Variants in KIF1B observed in about 807,000 individuals in gnomAD.
KIF1B encodes the protein kinesin-like protein KIF1B.
Under a neutral mutation model 241.9 loss-of-function variants are expected in KIF1B, and 76 were observed. The observed-to-expected ratio is 0.31, with a 90% CI of 0.26 to 0.38. KIF1B has a LOEUF of 0.38. KIF1B is among the 10% of genes least tolerant of loss of function. The pLI, the probability that KIF1B is intolerant of heterozygous loss-of-function variation, is 1.00. For synonymous variants in KIF1B, 750 were observed against 796.7 expected (o/e 0.94, Z 0.99); for missense variants, 1,622 against 2,271.4 (o/e 0.71, Z 5.81).
At chr1:10,277,408 C>T (rs541863170) in intron 12 of KIF1B, among the ~76,000 whole-genome samples, 65 of 152,234 alleles carry the variant, frequency 4.3e-4, no homozygotes, top group Non-Finnish European at 6.3e-4. Flanking sequence ...GATTGTAGCT[C>T]GCTGCAGCCT....
chr1:10,351,095 C>T lies in KIF1B; in HGVS notation c.3950-1536C>T, dbSNP rs1000954802. Among the ~76,000 whole-genome samples, 5 of 143,732 alleles carry T rather than the reference C, an allele frequency of 3.5e-5. No individual in the cohort carries two copies. In the East Asian group the frequency reaches 6.0e-4, roughly 17 times the overall value. The allele number at this position is 143,732 out of a possible 152,430, so 94.3% of individuals were successfully genotyped here. A position where few individuals can be genotyped will look rare whatever the true frequency, so the allele number is the denominator to read the frequency against. ...TGTCAAAAAAAAAAAAAAAAAGAAT[C>T]GTTGGAAGGGAGATTATGTTCTCTC... On this transcript the variant is annotated intron_variant, in intron 37 of 48. Transcript: ENST00000676179.
At chr1:10,311,440 T>C (rs1394068225) in intron 22 of KIF1B, among the ~76,000 whole-genome samples, 1 of 151,288 alleles carries the variant, frequency 6.6e-6, no homozygotes, top group Non-Finnish European at 1.5e-5. Flanking sequence ...CTTGAACTCC[T>C]GACCTCAGGT....
intron 7 of KIF1B, among the ~76,000 whole-genome samples, chr1:10,269,982 A>G (rs1648698311): frequency 6.6e-6 from 1 of 152,168 alleles, no homozygotes; most frequent in Admixed American, 6.6e-5. Context: ...AATCTACAAA[A>G]TTAATGTTAA....
rs746847971 is a variant in KIF1B, at chr1:10,304,370, C to T, written c.2115+7124C>T. The stretch of plus-strand genomic sequence containing the variant: ...CTCAATAATGGCCAGCCGAAAAGTA[C>T]GCGCTGCCAGGCATCTGCCTCCGCG... On this transcript the variant is annotated intron_variant, in intron 22 of 48. Coordinates refer to ENST00000676179, the MANE Select transcript of KIF1B (RefSeq NM_001365951.3). 6 of 1,614,218 alleles carry T rather than the reference C, an allele frequency of 3.7e-6. No homozygotes were observed. In the East Asian group the frequency reaches 6.7e-5, roughly 18 times the overall value.
chr1:10,337,103 T>C lies in KIF1B; in HGVS notation c.3159T>C (p.Arg1053=). The part of the protein sequence containing the change: ...QSDFSSVAMT[R]SGLSLEELRI... ...ACTTTTCGTCTGTTGCAATGACTCG[T>C]TCTGGTCTGTCCTTGGAGGAGTTGA... Residue 1053 remains arginine, a synonymous_variant, in exon 30 of 49, where the codon CGT becomes CGC. Transcript: ENST00000676179. This position sits in a 1 kb window ranked among gnomAD's most constrained non-coding sequence, Gnocchi z 4.0. The C allele has an allele frequency of 6.2e-7, 1 of 1,614,198 alleles. No homozygotes were observed. Among genetic ancestry groups the C allele is most frequent in the Non-Finnish European group, 8.5e-7 (1 of 1,180,038 alleles).
intron 16 of KIF1B, 36 bp from the exon 17 acceptor site, chr1:10,292,011 G>C: frequency 6.5e-7 from 1 of 1,538,626 alleles, no homozygotes; most frequent in South Asian, 1.1e-5. Flanking sequence ...TTGACATTTT[G>C]GTATTAGTGT....
At chr1:10,351,598 G>A (rs1209643205) in intron 37 of KIF1B, among the ~76,000 whole-genome samples, 1 of 152,126 alleles carries the variant, frequency 6.6e-6, no homozygotes, top group African/African-American at 2.4e-5. Flanking sequence ...AGTCCTTAAC[G>A]TCTATGCAAT....
At chr1:10,244,770 G>A (rs958454646) in intron 2 of KIF1B, among the ~76,000 whole-genome samples, 3 of 151,628 alleles carry the variant, frequency 2.0e-5, no homozygotes, top group Admixed American at 2.0e-4. Context: ...CCACCACCAC[G>A]CCTGGCTAAT....
chr1:10,225,527 GA>G (rs1646898715), intron 1 of KIF1B, among the ~76,000 whole-genome samples: 1 of 152,012 alleles, frequency 6.6e-6, no homozygotes, highest in Admixed American at 6.6e-5. Flanking sequence ...TCAATGATTT[GA>G]AAAGTGTTAA....
At chr1:10,349,481 T>G (rs1652710445) in intron 37 of KIF1B, among the ~76,000 whole-genome samples, 1 of 152,040 alleles carries the variant, frequency 6.6e-6, no homozygotes, top group Non-Finnish European at 1.5e-5. Context: ...GAGCTTGCAT[T>G]TTAGTTAGGG....
intron 22 of KIF1B, among the ~76,000 whole-genome samples, chr1:10,319,585 A>AT (rs958856535): frequency 6.6e-6 from 1 of 152,068 alleles, no homozygotes; most frequent in Non-Finnish European, 1.5e-5. Context: ...TACAATCTTA[A>AT]TTTTTTTTCC....
In KIF1B at chr1:10,256,277, C is replaced by G. The variant is rs770626277; in HGVS notation, c.137C>G (p.Ala46Gly). The G allele has an allele frequency of 6.2e-7, 1 of 1,612,074 alleles. No individual in the cohort carries two copies. Among genetic ancestry groups the G allele is most frequent in the South Asian group, 1.1e-5 (1 of 91,034 alleles). Residue 46 changes from alanine (A) to glycine (G), a missense_variant, in exon 3 of 49, where the codon GCT (alanine) becomes GGT (glycine). By Grantham distance (60) the Ala-to-Gly change is moderately conservative. Coordinates refer to ENST00000676179, the MANE Select transcript of KIF1B (RefSeq NM_001365951.3). Reference protein sequence around the residue: ...SIINPKNPKEAPKSFSFDYSY... With the variant: ...SIINPKNPKEGPKSFSFDYSY... Reference sequence around the variant, plus strand: ...ATTAACCCAAAGAATCCAAAGGAAGCTCCAAAGTCCTTCAGCTTCGACTAT... The same window carrying G: ...ATTAACCCAAAGAATCCAAAGGAAGGTCCAAAGTCCTTCAGCTTCGACTAT...
intron 38 of KIF1B, among the ~76,000 whole-genome samples, chr1:10,359,608 A>G (rs1638356176): frequency 6.6e-6 from 1 of 152,238 alleles, no homozygotes; most frequent in Non-Finnish European, 1.5e-5. Flanking sequence ...TTTGTTACAT[A>G]AATGTAAGAT....
chr1:10,325,754 C>T (rs1651699675), intron 26 of KIF1B, among the ~76,000 whole-genome samples: 2 of 152,156 alleles, frequency 1.3e-5, no homozygotes, highest in South Asian at 2.1e-4. Flanking sequence ...GACTGAAAGC[C>T]TTCTTGTTTC....
At position 10,238,659 on chromosome 1, in the gene KIF1B, T is replaced by C. The variant is rs114230495; in HGVS notation, c.106+6225T>C. 9.8e-3 allele frequency among the ~76,000 whole-genome samples: 1,482 copies of C among 151,778 alleles called. 18 individuals carry two copies. The highest frequency in any genetic ancestry group is 0.034 in the African/African-American group (1,397 of 41,338). On this transcript the variant is annotated intron_variant, in intron 2 of 48. Transcript: ENST00000676179. ...GGTGGAGGTTGCAGTGAGGGAAGCT[T>C]GTGTCGCTGCACTCCAGCCTGGGTG...
At position 10,349,623 on chromosome 1, in the gene KIF1B, GT is replaced by G. The variant is rs78332979; in HGVS notation, c.3949+904del. Among the ~76,000 whole-genome samples, 487 of 142,938 alleles carry G rather than the reference GT, an allele frequency of 3.4e-3. 3 individuals are homozygous for G. The highest frequency in any genetic ancestry group is 0.014 in the East Asian group (70 of 4,990). The allele number at this position is 142,938 out of a possible 152,430, so 93.8% of individuals were successfully genotyped here. On this transcript the variant is annotated intron_variant, in intron 37 of 48. Coordinates refer to ENST00000676179, the MANE Select transcript of KIF1B (RefSeq NM_001365951.3). ...GAATAGATTCAAGAAAAATTAGAGG[GT>G]TTTTTTTTTTTTTCCAGACACAAGC...
At chr1:10,232,494 C>T (rs781205512) in intron 2 of KIF1B, 60 bp downstream of exon 2, 50 of 1,237,956 alleles carry the variant, frequency 4.0e-5, no homozygotes, top group Non-Finnish European at 5.3e-5. Context: ...CTTTCCCTGT[C>T]GTCTTGCTGT....
rs1638986124 is a variant in KIF1B, at chr1:10,380,185, G to A, written c.*3598G>A. ...TGCTGCTTATTGTCTAATTTACAGG[G>A]ATATTTAATTTTGTCAGGTCTATGT... On this transcript the variant is annotated 3_prime_UTR_variant, in exon 49 of 49. Transcript: ENST00000676179. The A allele has an allele frequency of 2.3e-5, 5 of 217,136 alleles. No homozygotes were observed. The Admixed American group carries it at 2.9e-4, about 13-fold the overall frequency. The allele number at this position is 217,136 out of a possible 1,614,324, so 13.5% of individuals were successfully genotyped here. A position where few individuals can be genotyped will look rare whatever the true frequency, so the allele number is the denominator to read the frequency against.
chr1:10,365,322 C>T lies in KIF1B; in HGVS notation c.4512+77C>T, dbSNP rs1453045875. 6.2e-7 allele frequency: 1 copy of T among 1,613,306 alleles called. No homozygotes were observed. ...AAAGTATCAGTCTTCCTCCCCGCTG[C>T]TGCATGTGATCATAGCTTTTCACTT... On this transcript the variant is annotated intron_variant, in intron 42 of 48. Transcript: ENST00000676179. This position sits in a 1 kb window ranked among gnomAD's most constrained non-coding sequence, Gnocchi z 4.0.
Sources: allele counts gnomAD v4.1 joint callset (sites outside exome capture counted in the v4.1 genomes callset), GRCh38; gene constraint gnomAD v4.1.1; non-coding constraint Gnocchi (gnomAD v3.1); transcripts MANE v1.5; gene names NCBI Gene and HGNC (gene_info 2026-07-23, HGNC 2026-07-21).